The following ADAMTS6 variants were observed in gnomAD, a reference collection of about 807,000 sequenced individuals.
The protein encoded by ADAMTS6 is ADAM metallopeptidase with thrombospondin type 1 motif 6.
Under a neutral mutation model 144.3 loss-of-function variants are expected in ADAMTS6, and 23 were observed. That is an observed-to-expected ratio of 0.16 (90% CI 0.11 to 0.23). ADAMTS6 has a LOEUF of 0.23. ADAMTS6 is among the 10% of genes least tolerant of loss of function. The pLI, the probability that ADAMTS6 is intolerant of heterozygous loss-of-function variation, is 1.00. For synonymous variants in ADAMTS6, 444 were observed against 457.5 expected, an observed-to-expected ratio of 0.97 and a Z score of 0.38; for missense variants, 999 against 1,379.6, an observed-to-expected ratio of 0.72 and a Z score of 4.37.
chr5:65,399,349 T>G (rs1753723662), intron 7 of ADAMTS6, among the ~76,000 whole-genome samples: 1 of 152,206 alleles, frequency 6.6e-6, no homozygotes, highest in Non-Finnish European at 1.5e-5. Context: ...AATTGGTGCA[T>G]TTGGAGCATT....
intron 7 of ADAMTS6, among the ~76,000 whole-genome samples, chr5:65,445,489 C>T (rs1287900904): frequency 1.3e-5 from 2 of 152,150 alleles, no homozygotes; most frequent in East Asian, 3.8e-4. Context: ...AAGCGCGTGC[C>T]ACCACGCCCG....
At chr5:65,392,939 C>T (rs555364918) in intron 7 of ADAMTS6, among the ~76,000 whole-genome samples, 29 of 152,182 alleles carry the variant, frequency 1.9e-4, no homozygotes, top group Middle Eastern at 3.4e-3. Context: ...GAGTAGTATA[C>T]TCTAAATACT....
intron 7 of ADAMTS6, among the ~76,000 whole-genome samples, chr5:65,380,870 T>G (rs1294999220): frequency 6.6e-6 from 1 of 152,214 alleles, no homozygotes; most frequent in Non-Finnish European, 1.5e-5. Context: ...TTTGACCATC[T>G]GTCTTATAAT....
chr5:65,262,659 T>C, intron 13 of ADAMTS6, 158 bp downstream of exon 13: 2 of 717,184 alleles, frequency 2.8e-6, no homozygotes. Context: ...AAAGTCTGTC[T>C]AACAAAGCTC....
chr5:65,324,626 A>T (rs1481446561), intron 9 of ADAMTS6, among the ~76,000 whole-genome samples: 1 of 151,974 alleles, frequency 6.6e-6, no homozygotes, highest in Non-Finnish European at 1.5e-5. Flanking sequence ...ATATGTGTAT[A>T]TATACACACA....
intron 7 of ADAMTS6, among the ~76,000 whole-genome samples, chr5:65,442,789 C>T (rs939004824): frequency 1.3e-5 from 2 of 151,666 alleles, no homozygotes; most frequent in African/African-American, 4.8e-5. Flanking sequence ...AGGTATTAAG[C>T]CCAGCATGCA....
Position 65,300,086 on chromosome 5 carries a change from T to C in ADAMTS6, c.1269A>G (p.Lys423=), listed in dbSNP as rs760420884. 6.2e-7 allele frequency: 1 copy of C among 1,614,090 alleles called. No homozygotes were observed. Among genetic ancestry groups the C allele is most frequent in the Non-Finnish European group, 8.5e-7 (1 of 1,179,996 alleles). ...CCATAAGTTTTGCTGCTTCATGACC[T>C]TTCGTCCCACAAGAATTTCCAATTC... ...HDGIGNSCGT[K]GHEAAKLMAA... Residue 423 remains lysine (K), a synonymous_variant, in exon 10 of 25, where the codon AAA becomes AAG. Transcript: ENST00000381055.
chr5:65,359,964 A>G (rs1749677638), intron 7 of ADAMTS6, among the ~76,000 whole-genome samples: 1 of 152,172 alleles, frequency 6.6e-6, no homozygotes, highest in African/African-American at 2.4e-5. Context: ...TGTATACTTA[A>G]AAATTGCTAA....
At chr5:65,339,339 A>G (rs555817043) in intron 7 of ADAMTS6, among the ~76,000 whole-genome samples, 2 of 152,094 alleles carry the variant, frequency 1.3e-5, no homozygotes, top group East Asian at 1.9e-4. Flanking sequence ...ACACCCCAAG[A>G]CCTATTTATA....
intron 14 of ADAMTS6, among the ~76,000 whole-genome samples, chr5:65,248,942 C>A (rs1294329002): frequency 6.6e-6 from 1 of 151,868 alleles, no homozygotes; most frequent in African/African-American, 2.4e-5. Flanking sequence ...TACAATACAT[C>A]ATAAATATAT....
chr5:65,277,767 A>C (rs1395745598), intron 11 of ADAMTS6, among the ~76,000 whole-genome samples: 1 of 152,142 alleles, frequency 6.6e-6, no homozygotes, highest in African/African-American at 2.4e-5. Context: ...GCTAGTTTTT[A>C]GAAGGGAATT....
chr5:65,325,884 T>C (rs1478058584), intron 9 of ADAMTS6, among the ~76,000 whole-genome samples: 18 of 152,162 alleles, frequency 1.2e-4, no homozygotes. Flanking sequence ...ACCTAAACAA[T>C]GTATGATCTT....
At chr5:65,436,211 C>A (rs1757387838) in intron 7 of ADAMTS6, among the ~76,000 whole-genome samples, 1 of 151,796 alleles carries the variant, frequency 6.6e-6, no homozygotes, top group South Asian at 2.1e-4. Context: ...AACATAGACC[C>A]CCATCTCTAC....
intron 15 of ADAMTS6, among the ~76,000 whole-genome samples, chr5:65,239,187 A>G (rs996757440): frequency 2.6e-5 from 4 of 152,018 alleles, no homozygotes; most frequent in Non-Finnish European, 5.9e-5. Flanking sequence ...CAATGGGTGC[A>G]GCACACCAAC....
chr5:65,230,302 A>ATATGAAATATATATAATACAT (rs1561304657), intron 15 of ADAMTS6, among the ~76,000 whole-genome samples: 12 of 80,110 alleles, frequency 1.5e-4, no homozygotes, highest in South Asian at 7.0e-4. Flanking sequence ...ATATATATAT[A>ATATGAAATATATATAATACAT]TATATATATG....
At chr5:65,378,761 C>T (rs1010664568) in intron 7 of ADAMTS6, among the ~76,000 whole-genome samples, 3 of 152,154 alleles carry the variant, frequency 2.0e-5, no homozygotes, top group African/African-American at 7.2e-5. Context: ...ATATCATTTG[C>T]TTGTATCATT....
intron 7 of ADAMTS6, among the ~76,000 whole-genome samples, chr5:65,367,726 C>T (rs1750437375): frequency 6.6e-6 from 1 of 151,944 alleles, no homozygotes; most frequent in Admixed American, 6.6e-5. Flanking sequence ...ATCTTGCTTC[C>T]ATCCCTTTCC....
At chr5:65,428,202 C>A (rs575421335) in intron 7 of ADAMTS6, among the ~76,000 whole-genome samples, 2 of 132,674 alleles carry the variant, frequency 1.5e-5, no homozygotes, top group South Asian at 4.6e-4. Flanking sequence ...TTCCAGCCTG[C>A]GCAACAGAGT....
intron 7 of ADAMTS6, among the ~76,000 whole-genome samples, chr5:65,344,690 T>C (rs182860716): frequency 3.3e-5 from 5 of 151,990 alleles, no homozygotes; most frequent in African/African-American, 1.2e-4. Flanking sequence ...GGATTATCAT[T>C]TATATTGTCA....
Sources: allele counts gnomAD v4.1 joint callset (sites outside exome capture counted in the v4.1 genomes callset), GRCh38; gene constraint gnomAD v4.1.1; transcripts MANE v1.5; gene names NCBI Gene and HGNC (gene_info 2026-07-23, HGNC 2026-07-21).